Variants in POU6F2 observed in about 807,000 individuals in gnomAD.
POU6F2 encodes POU class 6 homeobox 2.
POU6F2 carries 31 observed loss-of-function variants against 71.3 expected under a neutral mutation model. The observed-to-expected ratio is 0.43, with a 90% CI of 0.33 to 0.59. The LOEUF (loss-of-function observed/expected upper bound fraction) is 0.59, where lower values mean the gene tolerates loss of function less well. POU6F2 is among the 20% of genes least tolerant of loss of function. The probability of loss-of-function intolerance (pLI) is 0.04; values close to 1 mark genes in which losing one functional copy is unlikely to be tolerated. For synonymous variants in POU6F2, 347 were observed against 355.7 expected, an observed-to-expected ratio of 0.98 and a Z score of 0.27; for missense variants, 783 against 856.8, an observed-to-expected ratio of 0.91 and a Z score of 1.07.
chr7:39,167,591 C>G (rs565616544), intron 2 of POU6F2, among the ~76,000 whole-genome samples: 1 of 152,068 alleles, frequency 6.6e-6, no homozygotes, highest in Non-Finnish European at 1.5e-5. Context: ...ACAAACTTTC[C>G]CTTCCCCATG....
intron 4 of POU6F2, among the ~76,000 whole-genome samples, chr7:39,217,702 C>T (rs1794271242): frequency 6.6e-6 from 1 of 152,116 alleles, no homozygotes; most frequent in Admixed American, 6.5e-5. Flanking sequence ...ATACCAAATC[C>T]ACCATAAAGA....
At position 39,435,850 on chromosome 7, in the gene POU6F2, G is replaced by A. The variant is rs976545060; in HGVS notation, c.1320+2567G>A. ...AGCTTTAGTTTTCTGCATATGGCTA[G>A]CCACTTTTCCCAGCACCATTTATTA... is the stretch of plus-strand genomic sequence containing the variant. On this transcript the variant is annotated intron_variant, in intron 7 of 9. Transcript: ENST00000518318. Among the ~76,000 whole-genome samples the A allele has an allele frequency of 8.5e-5, 13 of 152,266 alleles. No individual in the cohort carries two copies. The East Asian group carries it at 2.5e-3, about 29-fold the overall frequency.
At chr7:39,313,068 G>A (rs1309053809) in intron 4 of POU6F2, among the ~76,000 whole-genome samples, 2 of 152,174 alleles carry the variant, frequency 1.3e-5, no homozygotes, top group Non-Finnish European at 2.9e-5. Context: ...AAACAGAGGA[G>A]TGGAGAATCC....
intron 1 of POU6F2, among the ~76,000 whole-genome samples, chr7:39,046,497 G>T (rs1198374219): frequency 1.3e-5 from 2 of 151,756 alleles, no homozygotes; most frequent in Non-Finnish European, 2.9e-5. Context: ...GTCACATTAA[G>T]AATTCCTTAT....
At chr7:39,238,255 G>A (rs1185617892) in intron 4 of POU6F2, among the ~76,000 whole-genome samples, 1 of 152,114 alleles carries the variant, frequency 6.6e-6, no homozygotes, top group Non-Finnish European at 1.5e-5. Context: ...GGCTGCAGCG[G>A]AGATTAGAGA....
chr7:39,172,461 A>T (rs1384771348), intron 2 of POU6F2, among the ~76,000 whole-genome samples: 1 of 152,040 alleles, frequency 6.6e-6, no homozygotes, highest in Non-Finnish European at 1.5e-5. Context: ...AGTGAAGGTG[A>T]TTCTTCACTA....
intron 4 of POU6F2, among the ~76,000 whole-genome samples, chr7:39,326,356 AATCCTCTGCCAAACTCTGTAAGG>A (rs1280134947): frequency 1.4e-4 from 21 of 152,232 alleles, no homozygotes; most frequent in Admixed American, 6.5e-4. Context: ...GTTCTTCACC[AATCCTCTGCCAAACTCTGTAAGG>A]AAAGAATACT....
chr7:39,036,103 C>A (rs866031807), intron 1 of POU6F2, among the ~76,000 whole-genome samples: 1 of 152,040 alleles, frequency 6.6e-6, no homozygotes, highest in Non-Finnish European at 1.5e-5. Context: ...GGATACAGCT[C>A]ATTTGCAAGG....
At chr7:39,258,160 C>T (rs554469521) in intron 4 of POU6F2, among the ~76,000 whole-genome samples, 6 of 152,228 alleles carry the variant, frequency 3.9e-5, no homozygotes, top group African/African-American at 7.2e-5. Flanking sequence ...GATAATACCA[C>T]GTAGATGACT....
intron 1 of POU6F2, among the ~76,000 whole-genome samples, chr7:39,060,071 G>A (rs752335547): frequency 3.9e-5 from 6 of 152,100 alleles, no homozygotes; most frequent in South Asian, 2.1e-4. Context: ...AGCCGGGCGC[G>A]GTGGCGGGTG....
chr7:39,305,164 T>A (rs1785026482), intron 4 of POU6F2, among the ~76,000 whole-genome samples: 1 of 152,244 alleles, frequency 6.6e-6, no homozygotes, highest in Admixed American at 6.5e-5. Flanking sequence ...TGAGATAGGC[T>A]CTTTAGAAAC....
At chr7:39,401,959 G>A (rs1353651609) in intron 5 of POU6F2, among the ~76,000 whole-genome samples, 2 of 152,110 alleles carry the variant, frequency 1.3e-5, no homozygotes, top group African/African-American at 4.8e-5. Context: ...CATAAACATA[G>A]GAATATAATA....
intron 4 of POU6F2, among the ~76,000 whole-genome samples, chr7:39,322,750 C>CT (rs1212125063): frequency 2.0e-5 from 3 of 152,288 alleles, no homozygotes; most frequent in Admixed American, 1.3e-4. Flanking sequence ...AGATGGCTGC[C>CT]TTGGCCTGTA....
intron 2 of POU6F2, among the ~76,000 whole-genome samples, chr7:39,175,085 G>T (rs1179286417): frequency 1.3e-5 from 2 of 152,058 alleles, no homozygotes; most frequent in African/African-American, 4.8e-5. Context: ...GTGTGTGTGT[G>T]TTCACCTACC....
chr7:39,383,696 T>C (rs1786876301), intron 5 of POU6F2, among the ~76,000 whole-genome samples: 1 of 152,190 alleles, frequency 6.6e-6, no homozygotes, highest in South Asian at 2.1e-4. Context: ...GATGCAGTGC[T>C]AGAGTGCTCG....
rs151065746 is a variant in POU6F2 at position 39,377,753 on chromosome 7, A to G, written c.973-28847A>G. ...AGGTTTAACCCCAGAAATTCCCCCA[A>G]AGAACTAGGAGTAGACTAGGGAGGG... is the stretch of plus-strand genomic sequence containing the variant. On this transcript the variant is annotated intron_variant, in intron 5 of 9. Coordinates refer to ENST00000518318, the MANE Select transcript of POU6F2 (RefSeq NM_001370959.1). Among the ~76,000 whole-genome samples, 382 of 152,328 alleles carry G rather than the reference A, an allele frequency of 2.5e-3. 1 individual carries two copies. Among genetic ancestry groups the G allele is most frequent in the Non-Finnish European group, 4.3e-3 (291 of 68,030 alleles).
At chr7:39,335,837 G>A (rs569846470) in intron 4 of POU6F2, among the ~76,000 whole-genome samples, 37 of 152,314 alleles carry the variant, frequency 2.4e-4, no homozygotes, top group African/African-American at 8.9e-4. Flanking sequence ...GTGGGGTCTT[G>A]TGTGCACCTG....
intron 2 of POU6F2, among the ~76,000 whole-genome samples, chr7:39,199,555 G>A (rs1328738340): frequency 6.6e-6 from 1 of 152,170 alleles, no homozygotes; most frequent in African/African-American, 2.4e-5. Context: ...ACAGTTATTG[G>A]TGACGGTTCT....
chr7:39,097,102 T>C (rs1791470729), intron 2 of POU6F2, among the ~76,000 whole-genome samples: 1 of 152,198 alleles, frequency 6.6e-6, no homozygotes, highest in Non-Finnish European at 1.5e-5. Flanking sequence ...TTGCACTCTT[T>C]GAAATTACAG....
Sources: gnomAD v4.1 joint callset for allele counts (sites outside exome capture counted in the v4.1 genomes callset) on GRCh38, gnomAD v4.1.1 for gene constraint, MANE v1.5 for transcripts, NCBI Gene and HGNC (gene_info 2026-07-23, HGNC 2026-07-21) for gene names.